TOX: variants seen among roughly 807,000 people sequenced by gnomAD.
TOX encodes the protein thymocyte selection associated high mobility group box.
In TOX, 11 loss-of-function variants were observed where a neutral mutation model predicts 53.7. The observed-to-expected ratio is 0.20, with a 90% CI of 0.13 to 0.34. The LOEUF is 0.34. Among genes scored for constraint, TOX ranks in the 10% least tolerant of loss-of-function variants. The pLI, the probability that TOX is intolerant of heterozygous loss-of-function variation, is 1.00. For synonymous variants in TOX, 225 were observed against 245.3 expected (o/e 0.92, Z 0.77); for missense variants, 570 against 664.6 (o/e 0.86, Z 1.56).
chr8:59,031,528 G>A (rs1356897549), intron 1 of TOX, among the ~76,000 whole-genome samples: 1 of 152,216 alleles, frequency 6.6e-6, no homozygotes, highest in Non-Finnish European at 1.5e-5. Context: ...CTCTCAAGGA[G>A]CTTAAATTCT....
At chr8:58,888,286 C>A (rs1011763019) in intron 3 of TOX, among the ~76,000 whole-genome samples, 1 of 151,810 alleles carries the variant, frequency 6.6e-6, no homozygotes, top group African/African-American at 2.4e-5. Flanking sequence ...CAATAGAATA[C>A]CCCATTTATA....
intron 3 of TOX, among the ~76,000 whole-genome samples, chr8:58,871,402 A>C (rs1209743617): frequency 6.6e-6 from 1 of 152,144 alleles, no homozygotes; most frequent in East Asian, 1.9e-4. Flanking sequence ...AATATATACA[A>C]ATTTAAAAAG....
At chr8:59,020,823 A>C (rs910705004) in intron 1 of TOX, among the ~76,000 whole-genome samples, 11 of 152,300 alleles carry the variant, frequency 7.2e-5, no homozygotes, top group Middle Eastern at 3.4e-3. Flanking sequence ...TATCAAGTTT[A>C]CTTAAAGTTG....
chr8:58,904,562 T>A (rs1163350505), intron 3 of TOX, among the ~76,000 whole-genome samples: 1 of 152,214 alleles, frequency 6.6e-6, no homozygotes, highest in Non-Finnish European at 1.5e-5. Context: ...TGACAAGCTC[T>A]ACCCTGTATT....
intron 1 of TOX, among the ~76,000 whole-genome samples, chr8:59,001,225 G>A (rs1813683351): frequency 6.6e-6 from 1 of 152,132 alleles, no homozygotes; most frequent in Non-Finnish European, 1.5e-5. Context: ...TCAAGTTTAT[G>A]GTTTTTCAGA....
At chr8:58,930,659 C>T (rs189097435) in intron 3 of TOX, among the ~76,000 whole-genome samples, 31 of 152,256 alleles carry the variant, frequency 2.0e-4, no homozygotes, top group African/African-American at 7.0e-4. Context: ...GAAGGACCAC[C>T]CACAAGAAGC....
intron 1 of TOX, among the ~76,000 whole-genome samples, chr8:59,100,199 T>G (rs1804783316): frequency 6.6e-6 from 1 of 152,238 alleles, no homozygotes; most frequent in Non-Finnish European, 1.5e-5. Context: ...TAATAATGTG[T>G]TGTTTTCATT....
intron 1 of TOX, among the ~76,000 whole-genome samples, chr8:59,102,464 G>A (rs1184848186): frequency 6.6e-6 from 1 of 152,082 alleles, no homozygotes; most frequent in African/African-American, 2.4e-5. Context: ...CTGACCTCAG[G>A]TGATCCACCT....
intron 1 of TOX, among the ~76,000 whole-genome samples, chr8:59,049,629 C>T (rs1803754331): frequency 2.0e-5 from 3 of 152,054 alleles, no homozygotes; most frequent in South Asian, 4.1e-4. Context: ...GGTGAACCTG[C>T]CCAGCTCTCC....
intron 3 of TOX, among the ~76,000 whole-genome samples, chr8:58,922,896 G>T (rs561813174): frequency 6.6e-6 from 1 of 152,342 alleles, no homozygotes; most frequent in East Asian, 1.9e-4. Flanking sequence ...TTTCCGAGCA[G>T]TGACATTTGA....
intron 6 of TOX, among the ~76,000 whole-genome samples, chr8:58,817,582 G>A (rs564810045): frequency 1.3e-5 from 2 of 152,270 alleles, no homozygotes; most frequent in South Asian, 4.1e-4. Context: ...TTCCGTATAT[G>A]CCAGAAAGAT....
intron 3 of TOX, among the ~76,000 whole-genome samples, chr8:58,913,568 G>C (rs1049085323): frequency 6.6e-6 from 1 of 152,106 alleles, no homozygotes; most frequent in Non-Finnish European, 1.5e-5. Flanking sequence ...TGCTTCACCT[G>C]TGGGGTCGTG....
intron 5 of TOX, among the ~76,000 whole-genome samples, chr8:58,835,147 T>C (rs954960176): frequency 6.6e-6 from 1 of 152,214 alleles, no homozygotes; most frequent in Non-Finnish European, 1.5e-5. Flanking sequence ...AACTATTATA[T>C]AATTTTATCC....
At chr8:59,076,156 C>T (rs1804289712) in intron 1 of TOX, among the ~76,000 whole-genome samples, 1 of 152,128 alleles carries the variant, frequency 6.6e-6, no homozygotes, top group Non-Finnish European at 1.5e-5. Context: ...CAAGAGAATC[C>T]AGTGAGGATA....
At chr8:59,018,353 C>T (rs1814053474) in intron 1 of TOX, among the ~76,000 whole-genome samples, 2 of 152,144 alleles carry the variant, frequency 1.3e-5, no homozygotes, top group Non-Finnish European at 1.5e-5. Flanking sequence ...ATTCCTCTCC[C>T]TTTTGTCCCC....
Position 58,808,380 on chromosome 8 carries a change from C to A in TOX, c.1393-111G>T, listed in dbSNP as rs1037573606. 2.9e-6 allele frequency: 4 copies of A among 1,369,716 alleles called. No individual in the cohort carries two copies. In the African/African-American group the frequency reaches 5.9e-5, roughly 20 times the overall value. The allele number at this position is 1,369,716 out of a possible 1,614,324, so 84.8% of individuals were successfully genotyped here. A position where few individuals can be genotyped will look rare whatever the true frequency, so the allele number is the denominator to read the frequency against. The stretch of plus-strand genomic sequence containing the variant: ...CACACTAGGCCTCTTGCTTCTGTCT[C>A]TGCAAGGGCAAGCCTGTCGGAAGAG... On this transcript the variant is annotated intron_variant, in intron 7 of 8. Transcript: ENST00000361421.
intron 2 of TOX, among the ~76,000 whole-genome samples, chr8:58,941,822 G>A (rs1365683454): frequency 6.6e-6 from 1 of 152,102 alleles, no homozygotes; most frequent in Non-Finnish European, 1.5e-5. Flanking sequence ...GGAGGCTGAG[G>A]TGGGCAGATC....
chr8:58,817,196 A>G (rs1180295727), intron 6 of TOX, among the ~76,000 whole-genome samples: 1 of 152,138 alleles, frequency 6.6e-6, no homozygotes, highest in Non-Finnish European at 1.5e-5. Flanking sequence ...CCCTTTGGAG[A>G]GTCCTCTCAT....
At chr8:58,905,078 G>A (rs543349014) in intron 3 of TOX, among the ~76,000 whole-genome samples, 62 of 152,176 alleles carry the variant, frequency 4.1e-4, no homozygotes, top group South Asian at 1.7e-3. Flanking sequence ...GACTACAGGC[G>A]CGCGCCACCA....
Sources: gnomAD v4.1 joint callset for allele counts (sites outside exome capture counted in the v4.1 genomes callset) on GRCh38, gnomAD v4.1.1 for gene constraint, MANE v1.5 for transcripts, NCBI Gene and HGNC (gene_info 2026-07-23, HGNC 2026-07-21) for gene names.